Variants in MBD5 observed in about 807,000 individuals in gnomAD.
MBD5 encodes the protein methyl-CpG-binding domain protein 5.
MBD5 carries 13 observed loss-of-function variants against 117.3 expected under a neutral mutation model. That is an observed-to-expected ratio of 0.11 (90% CI 0.07 to 0.18). MBD5 has a LOEUF of 0.18. MBD5 is among the 10% of genes least tolerant of loss of function. The pLI, the probability that MBD5 is intolerant of heterozygous loss-of-function variation, is 1.00. For missense variants in MBD5, 1,879 were observed against 2,093.8 expected (o/e 0.90, Z 2.00); for synonymous variants, 727 against 766.4 (o/e 0.95, Z 0.85).
intron 1 of MBD5, among the ~76,000 whole-genome samples, chr2:148,169,571 A>T (rs894573438): frequency 2.0e-5 from 3 of 152,324 alleles, no homozygotes; most frequent in Admixed American, 2.0e-4. Context: ...TTGCTTATTT[A>T]TTCCAGCTGG....
chr2:148,233,890 C>G (rs138909757), intron 3 of MBD5, among the ~76,000 whole-genome samples: 41 of 152,230 alleles, frequency 2.7e-4, no homozygotes, highest in East Asian at 9.6e-4. Flanking sequence ...AAAGCTATCC[C>G]TTTAAAACTC....
At chr2:148,029,975 A>G (rs1693994220) in intron 1 of MBD5, among the ~76,000 whole-genome samples, 2 of 152,174 alleles carry the variant, frequency 1.3e-5, no homozygotes, top group South Asian at 4.1e-4. Context: ...AAGCTAAGTA[A>G]TATAAAAAGT....
At chr2:148,373,121 A>G (rs1251416991) in intron 4 of MBD5, among the ~76,000 whole-genome samples, 1 of 152,188 alleles carries the variant, frequency 6.6e-6, no homozygotes, top group Non-Finnish European at 1.5e-5. Flanking sequence ...CGGTGAATAA[A>G]CAGATTTTAA....
intron 3 of MBD5, among the ~76,000 whole-genome samples, chr2:148,313,673 G>A (rs1702089701): frequency 1.3e-5 from 2 of 152,174 alleles, no homozygotes; most frequent in African/African-American, 4.8e-5. Context: ...TGGCATTCCA[G>A]GCACCACTGG....
chr2:148,059,016 G>GT (rs530607223), intron 1 of MBD5, among the ~76,000 whole-genome samples: 22 of 152,032 alleles, frequency 1.4e-4, no homozygotes, highest in Non-Finnish European at 2.2e-4. Context: ...CTTGCACATA[G>GT]TTTTTTTTAC....
At chr2:148,326,170 T>C (rs10180998) in intron 3 of MBD5, among the ~76,000 whole-genome samples, 41,654 of 152,080 alleles carry the variant, frequency 0.27, 5,936 homozygotes, top group African/African-American at 0.31. Flanking sequence ...TAATCCTGAG[T>C]TCTAGTTTGA....
chr2:148,475,904 T>G (rs1256335040), intron 8 of MBD5, among the ~76,000 whole-genome samples: 2 of 152,184 alleles, frequency 1.3e-5, no homozygotes, highest in Non-Finnish European at 2.9e-5. Flanking sequence ...TTCTAGGAAC[T>G]TCTATCAAAC....
At chr2:148,232,370 C>T (rs912494700) in intron 2 of MBD5, among the ~76,000 whole-genome samples, 3 of 152,138 alleles carry the variant, frequency 2.0e-5, no homozygotes, top group East Asian at 1.9e-4. Flanking sequence ...TCTTTTGTTA[C>T]GTGGATAGTA....
chr2:148,441,681 A>G (rs1293592171), intron 4 of MBD5, among the ~76,000 whole-genome samples: 1 of 152,090 alleles, frequency 6.6e-6, no homozygotes, highest in East Asian at 1.9e-4. Context: ...GAATCGCCAC[A>G]CCGACTTCCA....
At chr2:148,405,686 T>G (rs1385963858) in intron 4 of MBD5, among the ~76,000 whole-genome samples, 1 of 152,236 alleles carries the variant, frequency 6.6e-6, no homozygotes, top group Non-Finnish European at 1.5e-5. Flanking sequence ...TATGGCTTCA[T>G]TATACCTGAG....
At position 148,456,443 on chromosome 2, in the gene MBD5, G is replaced by C. The variant is rs550199799; in HGVS notation, c.-556-1760G>C. Reference sequence around the variant, plus strand: ...GTTAGGATTTCAACCTACGGATTTGGGGGGGACACAGACATTCAGACCACA... The same window carrying C: ...GTTAGGATTTCAACCTACGGATTTGCGGGGGACACAGACATTCAGACCACA... On this transcript the variant is annotated intron_variant, in intron 4 of 13. Transcript: ENST00000642680. Among the ~76,000 whole-genome samples, 90 of 152,142 alleles carry C rather than the reference G, an allele frequency of 5.9e-4. No individual in the cohort carries two copies. In the South Asian group the frequency reaches 0.018, roughly 30 times the overall value.
chr2:148,351,423 T>A (rs974131733), intron 4 of MBD5, among the ~76,000 whole-genome samples: 2 of 152,068 alleles, frequency 1.3e-5, no homozygotes, highest in African/African-American at 2.4e-5. Flanking sequence ...TCATCCATAC[T>A]GTACAGGAAT....
At chr2:148,232,487 T>G (rs1482115656) in intron 2 of MBD5, among the ~76,000 whole-genome samples, 1 of 152,092 alleles carries the variant, frequency 6.6e-6, no homozygotes, top group Non-Finnish European at 1.5e-5. Context: ...ACTTTTTTTG[T>G]TTTTTTCAAG....
At chr2:148,308,491 CTTTTTTTTTTTTT>C (rs60650324) in intron 3 of MBD5, among the ~76,000 whole-genome samples, 4 of 66,772 alleles carry the variant, frequency 6.0e-5, no homozygotes, top group Admixed American at 3.5e-4. Context: ...GGGGTTCTTT[CTTTTTTTTTTTTT>C]TTTTTTTTTT....
At chr2:148,217,687 G>T (rs1349202714) in intron 2 of MBD5, among the ~76,000 whole-genome samples, 1 of 152,168 alleles carries the variant, frequency 6.6e-6, no homozygotes, top group Non-Finnish European at 1.5e-5. Flanking sequence ...TATTCTGTAT[G>T]ACTGGGGCGT....
At chr2:148,249,017 A>G (rs1700407844) in intron 3 of MBD5, among the ~76,000 whole-genome samples, 1 of 152,174 alleles carries the variant, frequency 6.6e-6, no homozygotes, top group African/African-American at 2.4e-5. Flanking sequence ...TAAGTGGAAT[A>G]GAGACTTAAA....
At chr2:148,322,178 A>G (rs184798551) in intron 3 of MBD5, among the ~76,000 whole-genome samples, 6 of 152,362 alleles carry the variant, frequency 3.9e-5, no homozygotes, top group Non-Finnish European at 8.8e-5. Context: ...TCATAAAGGT[A>G]TACAACACTG....
chr2:148,065,521 T>C (rs750132600), intron 1 of MBD5, among the ~76,000 whole-genome samples: 15 of 152,138 alleles, frequency 9.9e-5, no homozygotes, highest in Non-Finnish European at 1.9e-4. Context: ...AGAGGCAGTA[T>C]TATGAGCATT....
chr2:148,421,233 C>T (rs1705594703), intron 4 of MBD5, among the ~76,000 whole-genome samples: 1 of 152,192 alleles, frequency 6.6e-6, no homozygotes, highest in Non-Finnish European at 1.5e-5. Context: ...CCTGGTTCAT[C>T]TCACTGGGAC....
Sources: allele counts gnomAD v4.1 joint callset (sites outside exome capture counted in the v4.1 genomes callset), GRCh38; gene constraint gnomAD v4.1.1; transcripts MANE v1.5; gene names NCBI Gene and HGNC (gene_info 2026-07-23, HGNC 2026-07-21).